RFX3: variants seen among roughly 807,000 people sequenced by gnomAD.
RFX3 encodes transcription factor RFX3.
RFX3 carries 14 observed loss-of-function variants against 98.6 expected under a neutral mutation model. The observed-to-expected ratio is 0.14, with a 90% CI of 0.09 to 0.22. The LOEUF is 0.22. RFX3 is among the 10% of genes least tolerant of loss of function. RFX3 has a pLI of 1.00. For synonymous variants in RFX3, 383 were observed against 328.4 expected, an observed-to-expected ratio of 1.17 and a Z score of -1.80; for missense variants, 639 against 926.9, an observed-to-expected ratio of 0.69 and a Z score of 4.03.
chr9:3,364,403 C>T (rs62526375), intron 2 of RFX3: 73 of 224,838 alleles, frequency 3.2e-4, no homozygotes, highest in African/African-American at 1.4e-3. Context: ...ACAAAATGGG[C>T]GGTCTTTTTC....
intron 4 of RFX3, among the ~76,000 whole-genome samples, chr9:3,313,937 G>A (rs1830264804): frequency 2.6e-5 from 4 of 152,184 alleles, no homozygotes; most frequent in Non-Finnish European, 5.9e-5. Flanking sequence ...GAACCAAGTT[G>A]GAAAGCACTC....
chr9:3,244,964 G>A (rs896134662), intron 15 of RFX3, among the ~76,000 whole-genome samples: 2 of 152,176 alleles, frequency 1.3e-5, no homozygotes, highest in East Asian at 1.9e-4. Context: ...AATCAGTTTC[G>A]GAGATCAGAA....
At chr9:3,488,928 A>G (rs965654389) in intron 1 of RFX3, 1 of 981,154 alleles carries the variant, frequency 1.0e-6, no homozygotes, top group African/African-American at 1.7e-5. Flanking sequence ...AATTGAAATA[A>G]GGAGTACCTT....
chr9:3,393,114 C>T (rs190701521), intron 2 of RFX3, among the ~76,000 whole-genome samples: 103 of 151,928 alleles, frequency 6.8e-4, no homozygotes, highest in African/African-American at 2.4e-3. Flanking sequence ...GAAGGGCATG[C>T]TAAGGTAATG....
At position 3,525,958 on chromosome 9, in the gene RFX3, G is replaced by C. The variant is rs1167334732; in HGVS notation, c.-220C>G. On this transcript the variant is annotated 5_prime_UTR_variant, in exon 1 of 17. Transcript: ENST00000617270. ...AGAGAGAGGGAGAGAGAGAGAGAGCGAGAGGGAGAGGGAGACACTCGCACG... is the reference window on the plus strand; with the variant it reads ...AGAGAGAGGGAGAGAGAGAGAGAGCCAGAGGGAGAGGGAGACACTCGCACG... 1 of 421,632 alleles carries C rather than the reference G, an allele frequency of 2.4e-6. No individual in the cohort carries two copies. Among genetic ancestry groups the C allele is most frequent in the Non-Finnish European group, 3.1e-6 (1 of 317,604 alleles). 26.1% of individuals were successfully genotyped at this position (421,632 alleles called of 1,614,324 possible). A position where few individuals can be genotyped will look rare whatever the true frequency, so the allele number is the denominator to read the frequency against.
chr9:3,336,157 T>G (rs750316604), intron 3 of RFX3, among the ~76,000 whole-genome samples: 3 of 152,148 alleles, frequency 2.0e-5, no homozygotes, highest in Non-Finnish European at 4.4e-5. Context: ...ATAAATTGTA[T>G]TATAAGGATA....
At chr9:3,331,450 C>A (rs900347184) in intron 3 of RFX3, among the ~76,000 whole-genome samples, 3 of 152,022 alleles carry the variant, frequency 2.0e-5, no homozygotes, top group African/African-American at 7.2e-5. Context: ...ATATATAGAA[C>A]AGGTTTTAAA....
At chr9:3,343,812 C>T (rs1346666436) in intron 3 of RFX3, among the ~76,000 whole-genome samples, 1 of 152,122 alleles carries the variant, frequency 6.6e-6, no homozygotes, top group African/African-American at 2.4e-5. Context: ...GTTGAGGATA[C>T]AATTTGAGTC....
intron 1 of RFX3, among the ~76,000 whole-genome samples, chr9:3,502,570 C>G (rs1010166979): frequency 6.6e-6 from 1 of 152,160 alleles, no homozygotes; most frequent in East Asian, 1.9e-4. Context: ...AGTCTTTGTG[C>G]AGTCAACACT....
At chr9:3,467,520 G>A (rs1253172887) in intron 1 of RFX3, among the ~76,000 whole-genome samples, 2 of 151,742 alleles carry the variant, frequency 1.3e-5, no homozygotes, top group East Asian at 3.9e-4. Flanking sequence ...ATTTCTCAAG[G>A]AAAGGTTATA....
At chr9:3,328,904 T>C (rs144920658) in intron 4 of RFX3, among the ~76,000 whole-genome samples, 338 of 152,272 alleles carry the variant, frequency 2.2e-3, no homozygotes, top group East Asian at 3.9e-3. Flanking sequence ...ATGGGATACA[T>C]CTCCTTAATT....
intron 1 of RFX3, among the ~76,000 whole-genome samples, chr9:3,471,380 T>C (rs1457777425): frequency 1.3e-5 from 2 of 152,170 alleles, no homozygotes; most frequent in Non-Finnish European, 2.9e-5. Context: ...CCTTACAGAG[T>C]AATGGTAAAG....
At chr9:3,384,399 C>T (rs1233180925) in intron 2 of RFX3, among the ~76,000 whole-genome samples, 5 of 152,150 alleles carry the variant, frequency 3.3e-5, no homozygotes, top group East Asian at 3.8e-4. Context: ...ACTGTCCTGG[C>T]GTATACTTCT....
chr9:3,323,471 T>G (rs1343201283), intron 4 of RFX3, among the ~76,000 whole-genome samples: 1 of 152,184 alleles, frequency 6.6e-6, no homozygotes, highest in African/African-American at 2.4e-5. Context: ...TTAAAAATTA[T>G]GTTAGTTTCA....
intron 1 of RFX3, among the ~76,000 whole-genome samples, chr9:3,513,190 G>C (rs1404405540): frequency 6.6e-6 from 1 of 151,968 alleles, no homozygotes. Context: ...CAAAAGCTTA[G>C]AGACTAATTT....
At chr9:3,495,660 A>C (rs1378265772) in intron 1 of RFX3, among the ~76,000 whole-genome samples, 1 of 152,026 alleles carries the variant, frequency 6.6e-6, no homozygotes, top group Non-Finnish European at 1.5e-5. Flanking sequence ...CCTGGCTCTA[A>C]AAGTATCACT....
rs577647976 is a variant in RFX3, at chr9:3,376,954, G to A, written c.117+18518C>T. The stretch of plus-strand genomic sequence containing the variant: ...AAAAGTCAGGAAACAACAGGTGCTG[G>A]AGAGGATGTGGAGAAATAGGAACAC... On this transcript the variant is annotated intron_variant, in intron 2 of 16. Transcript: ENST00000617270. Among the ~76,000 whole-genome samples, 191 of 152,308 alleles carry A rather than the reference G, an allele frequency of 1.3e-3. 1 individual carries two copies. Among genetic ancestry groups the A allele is most frequent in the African/African-American group, 4.4e-3 (181 of 41,566 alleles).
At chr9:3,338,537 T>C (rs1328071195) in intron 3 of RFX3, among the ~76,000 whole-genome samples, 1 of 152,236 alleles carries the variant, frequency 6.6e-6, no homozygotes, top group Non-Finnish European at 1.5e-5. Context: ...TTCTGTATGG[T>C]AGAACAGTGG....
chr9:3,484,966 T>C (rs1028402507), intron 1 of RFX3, among the ~76,000 whole-genome samples: 5 of 144,580 alleles, frequency 3.5e-5, no homozygotes, highest in Non-Finnish European at 7.5e-5. Context: ...CTGGGCATGA[T>C]GACACACCTC....
Sources: allele counts gnomAD v4.1 joint callset (sites outside exome capture counted in the v4.1 genomes callset), GRCh38; gene constraint gnomAD v4.1.1; transcripts MANE v1.5; gene names NCBI Gene and HGNC (gene_info 2026-07-23, HGNC 2026-07-21).